COL15A1: variants seen among roughly 807,000 people sequenced by gnomAD.
COL15A1 encodes the protein collagen alpha-1(XV) chain.
Under a neutral mutation model 165.9 loss-of-function variants are expected in COL15A1, and 111 were observed. The observed-to-expected ratio is 0.67, with a 90% CI of 0.57 to 0.78. The LOEUF is 0.78. Ranked by LOEUF, COL15A1 falls within the 30% of genes least tolerant of loss-of-function variation. COL15A1 has a pLI of 0.00. For missense variants in COL15A1, 1,745 were observed against 1,789.7 expected, an observed-to-expected ratio of 0.98 and a Z score of 0.45; for synonymous variants, 659 against 674.8, an observed-to-expected ratio of 0.98 and a Z score of 0.36.
In COL15A1 at chr9:98,944,081, C is replaced by G; in HGVS notation, c.11+9C>G. On this transcript the variant is annotated intron_variant, in intron 1 of 41. Coordinates refer to ENST00000375001, the MANE Select transcript of COL15A1 (RefSeq NM_001855.5). ...CGCGAGATGGCACCAAGGTAAGACC[C>G]GCTTCTCTGCTTCCTCGCGTCCCGG... The G allele has an allele frequency of 6.2e-7, 1 of 1,614,148 alleles. No individual in the cohort carries two copies. The highest frequency in any genetic ancestry group is 8.5e-7 in the Non-Finnish European group (1 of 1,179,974).
chr9:98,953,676 C>T (rs929538556), intron 2 of COL15A1, among the ~76,000 whole-genome samples: 1 of 152,172 alleles, frequency 6.6e-6, no homozygotes, highest in Non-Finnish European at 1.5e-5. Context: ...TGACCAGGGC[C>T]CCTGACCTTA....
At chr9:99,017,139 A>G (rs779148695) in intron 11 of COL15A1, among the ~76,000 whole-genome samples, 3 of 149,832 alleles carry the variant, frequency 2.0e-5, no homozygotes, top group Non-Finnish European at 4.5e-5. Flanking sequence ...CAACAAATTC[A>G]CAATCAAGCG....
intron 31 of COL15A1, 58 bp from the exon 32 acceptor site, chr9:99,054,518 T>G: frequency 3.9e-6 from 6 of 1,533,120 alleles, no homozygotes; most frequent in Non-Finnish European, 5.3e-6. Flanking sequence ...CAGAAAGGTT[T>G]TATATAGAAA....
At chr9:99,004,806 C>A in intron 8 of COL15A1, 92 bp from the exon 9 acceptor site, 1 of 1,461,836 alleles carries the variant, frequency 6.8e-7, no homozygotes. Flanking sequence ...TGTGCAGGTG[C>A]TTTGAGGGGC....
intron 2 of COL15A1, among the ~76,000 whole-genome samples, chr9:98,979,605 T>C (rs1025623208): frequency 2.6e-5 from 4 of 152,074 alleles, no homozygotes; most frequent in African/African-American, 4.8e-5. Context: ...ATATCAGTCA[T>C]TTCATGGTTT....
intron 28 of COL15A1, among the ~76,000 whole-genome samples, chr9:99,048,235 G>A (rs1358182110): frequency 6.6e-6 from 1 of 152,216 alleles, no homozygotes; most frequent in East Asian, 1.9e-4. Context: ...CCCAGAGGGA[G>A]TAGGGGAGAA....
chr9:99,055,410 C>T (rs1825707757), intron 34 of COL15A1, 38 bp downstream of exon 34: 2 of 1,297,776 alleles, frequency 1.5e-6, no homozygotes, highest in East Asian at 2.3e-5. Flanking sequence ...ACCCCAAAGA[C>T]TTACAGCTTT....
At chr9:99,059,750 C>G in intron 35 of COL15A1, 139 bp from the exon 36 acceptor site, 1 of 863,844 alleles carries the variant, frequency 1.2e-6, no homozygotes. Context: ...GCACAGCACC[C>G]AAGATACAGG....
chr9:98,998,906 C>G (rs1307124389), intron 6 of COL15A1, among the ~76,000 whole-genome samples: 2 of 152,200 alleles, frequency 1.3e-5, no homozygotes, highest in South Asian at 4.1e-4. Flanking sequence ...GGGAGAAAGC[C>G]CTGGCTAAGC....
chr9:99,038,225 A>G (rs1839338477), intron 21 of COL15A1, among the ~76,000 whole-genome samples: 1 of 152,230 alleles, frequency 6.6e-6, no homozygotes, highest in Non-Finnish European at 1.5e-5. Flanking sequence ...GCTCTTTGGC[A>G]GTCTTTTAAA....
At chr9:98,981,195 C>T (rs547922027) in intron 2 of COL15A1, among the ~76,000 whole-genome samples, 28 of 152,142 alleles carry the variant, frequency 1.8e-4, no homozygotes, top group Non-Finnish European at 3.5e-4. Flanking sequence ...GGCTCATTCA[C>T]GCCTGTAATC....
intron 16 of COL15A1, among the ~76,000 whole-genome samples, chr9:99,029,539 A>G (rs1306757102): frequency 6.6e-6 from 1 of 152,248 alleles, no homozygotes; most frequent in Non-Finnish European, 1.5e-5. Flanking sequence ...GTTTAAATGA[A>G]ACACTGAAAT....
chr9:98,996,286 C>T (rs185420043), intron 5 of COL15A1, among the ~76,000 whole-genome samples: 293 of 152,324 alleles, frequency 1.9e-3, no homozygotes, highest in Non-Finnish European at 3.5e-3. Flanking sequence ...TGCTGACAAG[C>T]GCTGGGTCCC....
chr9:99,036,345 G>A lies in COL15A1; in HGVS notation c.2358G>A (p.Val786=), dbSNP rs1350192268. ...GERGMDGASI[V]GPPGPRGPPG... ...GGGGGATGGATGGAGCCAGTATTGT[G>A]GGACCCCCTGGGCCGAGAGGGCCAC... is the stretch of plus-strand genomic sequence containing the variant. Residue 786 remains valine (V), a synonymous_variant, in exon 21 of 42, where the codon GTG becomes GTA. Coordinates refer to ENST00000375001, the MANE Select transcript of COL15A1 (RefSeq NM_001855.5). 6.2e-7 allele frequency: 1 copy of A among 1,614,102 alleles called. No homozygotes were observed.
rs569606663 is a variant in COL15A1 at position 98,947,834 on chromosome 9, T to C, written c.100+3584T>C. Reference sequence around the variant, plus strand: ...GGGTTTTTTGCAGGTAGTTGATCTGTTAAAAAGTGGGTCTTTGTAAACTTC... The same window carrying C: ...GGGTTTTTTGCAGGTAGTTGATCTGCTAAAAAGTGGGTCTTTGTAAACTTC... On this transcript the variant is annotated intron_variant, in intron 2 of 41. Coordinates refer to ENST00000375001, the MANE Select transcript of COL15A1 (RefSeq NM_001855.5). Among the ~76,000 whole-genome samples, 31 of 152,214 alleles carry C rather than the reference T, an allele frequency of 2.0e-4. No individual in the cohort carries two copies. In the East Asian group the frequency reaches 6.0e-3, roughly 29 times the overall value.
intron 2 of COL15A1, among the ~76,000 whole-genome samples, chr9:98,974,011 G>A (rs1384459701): frequency 6.6e-6 from 1 of 152,236 alleles, no homozygotes; most frequent in African/African-American, 2.4e-5. Context: ...AGTCCACCTT[G>A]CAGGCTGAGG....
rs772530160 is a variant in COL15A1 at position 99,042,025 on chromosome 9, T to C, written c.2512-20T>C. On this transcript the variant is annotated intron_variant, in intron 23 of 41. Transcript: ENST00000375001. ...TTAATCTTAACGAACAACCAAATAC[T>C]ATATAACAATTCCTTCCAGGGTCCT... 1.2e-5 allele frequency: 19 copies of C among 1,548,932 alleles called. No homozygotes were observed. The highest frequency in any genetic ancestry group is 1.7e-4 in the Middle Eastern group (1 of 5,960).
At chr9:98,951,734 T>G (rs936749679) in intron 2 of COL15A1, among the ~76,000 whole-genome samples, 1 of 144,436 alleles carries the variant, frequency 6.9e-6, no homozygotes, top group Non-Finnish European at 1.5e-5. Flanking sequence ...ATTTAAAAAT[T>G]TTTTGTAGGC....
chr9:98,954,645 C>A (rs944086693), intron 2 of COL15A1, among the ~76,000 whole-genome samples: 8 of 152,190 alleles, frequency 5.3e-5, no homozygotes, highest in African/African-American at 1.9e-4. Flanking sequence ...ACGACTTCTG[C>A]AATTATTTCC....
Sources: allele counts gnomAD v4.1 joint callset (sites outside exome capture counted in the v4.1 genomes callset), GRCh38; gene constraint gnomAD v4.1.1; transcripts MANE v1.5; gene names NCBI Gene and HGNC (gene_info 2026-07-23, HGNC 2026-07-21).